The following CCDC90B variants were observed in gnomAD, a reference collection of about 807,000 sequenced individuals.
The protein encoded by CCDC90B is coiled-coil domain-containing protein 90B, mitochondrial.
A neutral mutation model predicts 37.0 loss-of-function variants in CCDC90B; 24 were observed. The observed-to-expected ratio is 0.65, with a 90% CI of 0.47 to 0.91. The LOEUF (loss-of-function observed/expected upper bound fraction) is 0.91, where lower values mean the gene tolerates loss of function less well. Ranked by LOEUF, CCDC90B falls within the 40% of genes least tolerant of loss-of-function variation. The pLI is 0.00. For synonymous variants in CCDC90B, 113 were observed against 101.1 expected (o/e 1.12, Z -0.71); for missense variants, 319 against 299.0 (o/e 1.07, Z -0.49).
intron 7 of CCDC90B, chr11:83,273,388 C>A: frequency 4.1e-6 from 1 of 246,100 alleles, no homozygotes. Flanking sequence ...TAGTTATTTT[C>A]TATTATAGAA....
At chr11:83,262,780 T>C (rs1238295397) in intron 8 of CCDC90B, among the ~76,000 whole-genome samples, 1 of 152,218 alleles carries the variant, frequency 6.6e-6, no homozygotes, top group Non-Finnish European at 1.5e-5. Flanking sequence ...TGGTTAATGA[T>C]AAGATCATTT....
intron 8 of CCDC90B, among the ~76,000 whole-genome samples, chr11:83,262,735 C>T (rs1863998336): frequency 1.3e-5 from 2 of 152,154 alleles, no homozygotes; most frequent in Admixed American, 1.3e-4. Flanking sequence ...CCCATTTGTA[C>T]ACCACCCCAT....
In CCDC90B at chr11:83,268,687, T is replaced by C. The variant is rs1864450526; in HGVS notation, c.595-2708A>G. On this transcript the variant is annotated intron_variant, in intron 7 of 8. Coordinates refer to ENST00000529689, the MANE Select transcript of CCDC90B (RefSeq NM_021825.5). ...GACTTTAACACTCCACTGTCAATAT[T>C]AGATAGATCAACGAGACAGAAGGTT... 3.3e-5 allele frequency among the ~76,000 whole-genome samples: 5 copies of C among 152,224 alleles called. No homozygotes were observed. The South Asian group carries it at 1.0e-3, about 32-fold the overall frequency.
intron 8 of CCDC90B, 82 bp downstream of exon 8, chr11:83,265,783 T>C (rs1414971375): frequency 2.4e-6 from 2 of 824,218 alleles, no homozygotes; most frequent in Non-Finnish European, 2.0e-6. Flanking sequence ...CTCCTTTTTT[T>C]CCTGTGCCTG....
At chr11:83,262,823 TAAGA>T (rs1421116559) in intron 8 of CCDC90B, among the ~76,000 whole-genome samples, 1 of 152,212 alleles carries the variant, frequency 6.6e-6, no homozygotes, top group Non-Finnish European at 1.5e-5. Context: ...TAGGCATCTC[TAAGA>T]AATATAGAGA....
chr11:83,275,387 C>G (rs146191271), intron 3 of CCDC90B, among the ~76,000 whole-genome samples: 13 of 152,186 alleles, frequency 8.5e-5, no homozygotes, highest in Admixed American at 1.3e-4. Context: ...TTGAATATCC[C>G]TAATCCAAAA....
chr11:83,277,782 C>A (rs1865136612), intron 3 of CCDC90B, among the ~76,000 whole-genome samples: 1 of 151,954 alleles, frequency 6.6e-6, no homozygotes, highest in African/African-American at 2.4e-5. Context: ...AGGTGTGACC[C>A]ACGGCACCTG....
chr11:83,283,091 TA>T (rs1392043757), intron 1 of CCDC90B, among the ~76,000 whole-genome samples: 2 of 152,168 alleles, frequency 1.3e-5, no homozygotes, highest in Non-Finnish European at 2.9e-5. Flanking sequence ...ACCCCTGCAC[TA>T]AACTATACAG....
At chr11:83,274,535 T>C (rs1864903670) in intron 4 of CCDC90B, 104 bp downstream of exon 4, 2 of 621,440 alleles carry the variant, frequency 3.2e-6, no homozygotes, top group Non-Finnish European at 5.5e-6. Context: ...TATTGTTTAC[T>C]AACCACATGG....
At chr11:83,277,935 GA>G (rs1194985497) in intron 3 of CCDC90B, among the ~76,000 whole-genome samples, 1 of 151,938 alleles carries the variant, frequency 6.6e-6, no homozygotes, top group Non-Finnish European at 1.5e-5. Context: ...GCCTAAATTT[GA>G]AAAATTAAAA....
intron 8 of CCDC90B, 34 bp from the exon 9 acceptor site, chr11:83,262,000 T>C (rs1863954473): frequency 6.9e-7 from 1 of 1,456,096 alleles, no homozygotes; most frequent in Non-Finnish European, 9.5e-7. Context: ...ATAGGTCTTG[T>C]ATCTGTAATT....
chr11:83,282,926 T>C (rs1337251713), intron 1 of CCDC90B, among the ~76,000 whole-genome samples: 1 of 152,250 alleles, frequency 6.6e-6, no homozygotes, highest in Non-Finnish European at 1.5e-5. Flanking sequence ...GTTTTATTCA[T>C]TAGAACTAGA....
At chr11:83,284,716 T>A (rs188782472) in intron 1 of CCDC90B, among the ~76,000 whole-genome samples, 14 of 152,382 alleles carry the variant, frequency 9.2e-5, no homozygotes, top group African/African-American at 3.1e-4. Context: ...GTGGGATAAC[T>A]TTTATGTTAA....
chr11:83,273,538 T>C (rs758942018), intron 7 of CCDC90B, 109 bp downstream of exon 7: 3 of 781,432 alleles, frequency 3.8e-6, no homozygotes, highest in South Asian at 5.1e-5. Flanking sequence ...AGCCAGAGAC[T>C]CTACAAGGGT....
intron 7 of CCDC90B, among the ~76,000 whole-genome samples, 171 bp from the exon 8 acceptor site, chr11:83,266,150 A>C (rs1221496015): frequency 6.6e-6 from 1 of 152,228 alleles, no homozygotes; most frequent in Non-Finnish European, 1.5e-5. Context: ...CAAGATGGCC[A>C]AAAGGGAACA....
chr11:83,272,117 T>C (rs1272101294), intron 7 of CCDC90B, among the ~76,000 whole-genome samples: 4 of 151,906 alleles, frequency 2.6e-5, no homozygotes, highest in African/African-American at 9.7e-5. Context: ...CGGGTGGTGG[T>C]TGGGTGAGGG....
At chr11:83,271,242 A>C (rs1241599584) in intron 7 of CCDC90B, among the ~76,000 whole-genome samples, 1 of 152,212 alleles carries the variant, frequency 6.6e-6, no homozygotes, top group Admixed American at 6.5e-5. Flanking sequence ...AAACACCAAA[A>C]GCAATGGCAA....
rs143902824 is a variant in CCDC90B, at chr11:83,285,279, A to G, written c.100+594T>C. ...ACAACAAAAACCTAGCCCTAGAAAC[A>G]TTTCTCTGAATAAAGTTAGATGTCT... On this transcript the variant is annotated intron_variant, in intron 1 of 8. Transcript: ENST00000529689. 5,170 of 1,266,100 alleles carry G rather than the reference A, an allele frequency of 4.1e-3. 157 individuals carry two copies. In the African/African-American group the frequency reaches 0.072, roughly 18 times the overall value. The allele number at this position is 1,266,100 out of a possible 1,614,324, so 78.4% of individuals were successfully genotyped here. A position where few individuals can be genotyped will look rare whatever the true frequency, so the allele number is the denominator to read the frequency against.
chr11:83,286,282 GCAGTGGGGC>G lies in CCDC90B; in HGVS notation c.-319_-311del, dbSNP rs1865690221. 1 of 1,244,370 alleles carries G rather than the reference GCAGTGGGGC, an allele frequency of 8.0e-7. No homozygotes were observed. 77.1% of individuals were successfully genotyped at this position (1,244,370 alleles called of 1,614,324 possible). Reference sequence around the variant, plus strand: ...AGAACCTTCCGGCGCCTGTTTCCTGGCAGTGGGGCATAGTCCAACAGCTGGCTCCCCCAA... The same window carrying G: ...AGAACCTTCCGGCGCCTGTTTCCTGGATAGTCCAACAGCTGGCTCCCCCAA... On this transcript the variant is annotated 5_prime_UTR_variant, in exon 1 of 9. It removes an upstream start codon present in the reference 5' UTR. Coordinates refer to ENST00000529689, the MANE Select transcript of CCDC90B (RefSeq NM_021825.5).
Sources: allele counts gnomAD v4.1 joint callset (sites outside exome capture counted in the v4.1 genomes callset), GRCh38; gene constraint gnomAD v4.1.1; transcripts MANE v1.5; gene names NCBI Gene and HGNC (gene_info 2026-07-23, HGNC 2026-07-21).